Variants in GALNT17 observed in about 807,000 individuals in gnomAD.
The protein encoded by GALNT17 is UDP-GalNAc:polypeptide N-acetylgalactosaminyltransferase-like 3.
A neutral mutation model predicts 63.7 loss-of-function variants in GALNT17; 29 were observed. That is an observed-to-expected ratio of 0.46 (90% CI 0.34 to 0.62). GALNT17 has a LOEUF of 0.62. GALNT17 is among the 20% of genes least tolerant of loss of function. GALNT17 has a pLI of 0.01. For missense variants in GALNT17, 603 were observed against 799.6 expected, an observed-to-expected ratio of 0.75 and a Z score of 2.97; for synonymous variants, 305 against 318.3, an observed-to-expected ratio of 0.96 and a Z score of 0.45.
intron 1 of GALNT17, among the ~76,000 whole-genome samples, chr7:71,228,545 G>T (rs1021239448): frequency 1.5e-4 from 23 of 152,330 alleles, no homozygotes; most frequent in African/African-American, 5.1e-4. Flanking sequence ...CAGCAGGGCT[G>T]CACTCCCTCC....
chr7:71,427,915 A>G (rs977600788), intron 5 of GALNT17, among the ~76,000 whole-genome samples: 2 of 152,066 alleles, frequency 1.3e-5, no homozygotes, highest in Admixed American at 1.3e-4. Flanking sequence ...GAGATAATCT[A>G]ATGCCTGATC....
At chr7:71,145,248 C>G (rs1434354851) in intron 1 of GALNT17, among the ~76,000 whole-genome samples, 2 of 152,076 alleles carry the variant, frequency 1.3e-5, no homozygotes, top group African/African-American at 4.8e-5. Flanking sequence ...TCATGTTTAC[C>G]TTGTTATCCA....
At chr7:71,322,032 G>A (rs918908159) in intron 1 of GALNT17, among the ~76,000 whole-genome samples, 2 of 142,456 alleles carry the variant, frequency 1.4e-5, no homozygotes, top group Admixed American at 1.5e-4. Flanking sequence ...GCTCACTGCA[G>A]CCTCAACCTC....
chr7:71,138,430 G>A (rs1787826981), intron 1 of GALNT17, among the ~76,000 whole-genome samples: 1 of 152,134 alleles, frequency 6.6e-6, no homozygotes, highest in African/African-American at 2.4e-5. Context: ...AGTAGGTGAG[G>A]AGGAGGAGGA....
chr7:71,199,537 TC>T (rs1372289058), intron 1 of GALNT17, among the ~76,000 whole-genome samples: 4 of 146,376 alleles, frequency 2.7e-5, no homozygotes, highest in Admixed American at 1.3e-4. Flanking sequence ...CATCCATCCA[TC>T]CATCCATCCA....
At chr7:71,346,828 C>T (rs1410650211) in intron 2 of GALNT17, among the ~76,000 whole-genome samples, 1 of 152,094 alleles carries the variant, frequency 6.6e-6, no homozygotes, top group Non-Finnish European at 1.5e-5. Flanking sequence ...TCTTTCGAAG[C>T]TAACAAAATT....
At chr7:71,408,518 G>T (rs1448598605) in intron 3 of GALNT17, among the ~76,000 whole-genome samples, 2 of 152,122 alleles carry the variant, frequency 1.3e-5, no homozygotes, top group African/African-American at 4.8e-5. Context: ...CCTTGTCCAG[G>T]GACTGACCTA....
chr7:71,189,903 C>T (rs150805245), intron 1 of GALNT17, among the ~76,000 whole-genome samples: 2,508 of 151,642 alleles, frequency 0.017, 94 homozygotes, highest in East Asian at 0.094. Flanking sequence ...CTCTGCCTCC[C>T]GGGTTCAATT....
chr7:71,654,159 G>T (rs1387526800), intron 6 of GALNT17, among the ~76,000 whole-genome samples: 1 of 151,998 alleles, frequency 6.6e-6, no homozygotes, highest in African/African-American at 2.4e-5. Context: ...GGGATTACAA[G>T]CACCTGCCAC....
intron 1 of GALNT17, among the ~76,000 whole-genome samples, chr7:71,154,319 C>T (rs1788190860): frequency 6.6e-6 from 1 of 152,186 alleles, no homozygotes; most frequent in Admixed American, 6.5e-5. Flanking sequence ...GTGAGCAAGC[C>T]TCACTCCATC....
intron 3 of GALNT17, among the ~76,000 whole-genome samples, chr7:71,404,650 G>A (rs959377194): frequency 6.6e-6 from 1 of 152,178 alleles, no homozygotes; most frequent in African/African-American, 2.4e-5. Flanking sequence ...AGACAGATGG[G>A]CCCATGCCAT....
At chr7:71,410,360 C>T (rs1425616852) in intron 3 of GALNT17, among the ~76,000 whole-genome samples, 3 of 152,108 alleles carry the variant, frequency 2.0e-5, no homozygotes, top group African/African-American at 7.2e-5. Flanking sequence ...ATTCTCCCAC[C>T]TCAGGCTCCT....
chr7:71,192,471 C>A (rs1788969909), intron 1 of GALNT17, among the ~76,000 whole-genome samples: 1 of 151,728 alleles, frequency 6.6e-6, no homozygotes, highest in Non-Finnish European at 1.5e-5. Context: ...TCTCAGCTCA[C>A]TGCAGCCTCT....
chr7:71,685,523 G>C (rs1791339227), intron 9 of GALNT17: 1 of 152,154 alleles, frequency 6.6e-6, no homozygotes, highest in African/African-American at 2.4e-5. Flanking sequence ...GAACTTGTTT[G>C]GGGGTTCTAG....
intron 1 of GALNT17, among the ~76,000 whole-genome samples, chr7:71,265,098 T>TTATATA (rs1554345967): frequency 0.019 from 1,495 of 78,070 alleles, 86 homozygotes; most frequent in Middle Eastern, 0.042. Flanking sequence ...CCCATAAATA[T>TTATATA]TATATATATA....
chr7:71,453,099 C>T (rs1460798390), intron 5 of GALNT17, among the ~76,000 whole-genome samples: 2 of 152,136 alleles, frequency 1.3e-5, no homozygotes, highest in Non-Finnish European at 2.9e-5. Flanking sequence ...ATTGTGTCTC[C>T]AGGGCATAAG....
chr7:71,290,377 G>T (rs1790958333), intron 1 of GALNT17, among the ~76,000 whole-genome samples: 1 of 152,144 alleles, frequency 6.6e-6, no homozygotes, highest in African/African-American at 2.4e-5. Flanking sequence ...CTCATCTAGG[G>T]AGCTGCTCTG....
chr7:71,156,853 G>A (rs1290003455), intron 1 of GALNT17, among the ~76,000 whole-genome samples: 1 of 151,584 alleles, frequency 6.6e-6, no homozygotes, highest in Non-Finnish European at 1.5e-5. Context: ...CCAAAGCGCT[G>A]GGATTACAGG....
chr7:71,638,473 G>T (rs1305455530), intron 6 of GALNT17, among the ~76,000 whole-genome samples: 2 of 152,162 alleles, frequency 1.3e-5, no homozygotes, highest in Non-Finnish European at 2.9e-5. Flanking sequence ...AAGAAAAGAG[G>T]CTGTCCCTCC....
Sources: allele counts gnomAD v4.1 joint callset (sites outside exome capture counted in the v4.1 genomes callset), GRCh38; gene constraint gnomAD v4.1.1; transcripts MANE v1.5; gene names NCBI Gene and HGNC (gene_info 2026-07-23, HGNC 2026-07-21).